The following ANKRD29 variants were observed in gnomAD, a reference collection of about 807,000 sequenced individuals.
ANKRD29 encodes the protein ankyrin repeat domain 29.
A neutral mutation model predicts 38.0 loss-of-function variants in ANKRD29; 32 were observed. The ratio of observed to expected loss-of-function variants is 0.84; its 90% CI spans 0.64 to 1.13. The LOEUF (loss-of-function observed/expected upper bound fraction) is 1.13, where lower values mean the gene tolerates loss of function less well. Among genes scored for constraint, ANKRD29 ranks in the 50% most tolerant of loss-of-function variants. The pLI, the probability that ANKRD29 is intolerant of heterozygous loss-of-function variation, is 0.00. For synonymous variants in ANKRD29, 135 were observed against 152.4 expected (o/e 0.89, Z 0.84); for missense variants, 357 against 377.9 (o/e 0.94, Z 0.46).
At chr18:23,623,576 G>C (rs1487701158) in intron 6 of ANKRD29, among the ~76,000 whole-genome samples, 3 of 151,756 alleles carry the variant, frequency 2.0e-5, no homozygotes, top group Non-Finnish European at 4.4e-5. Context: ...CTTGAGCCCA[G>C]GAGTTCAAGA....
At chr18:23,628,377 A>C (rs187646121) in intron 6 of ANKRD29, among the ~76,000 whole-genome samples, 127 of 152,272 alleles carry the variant, frequency 8.3e-4, no homozygotes, top group African/African-American at 3.0e-3. Flanking sequence ...GCTCAGACCA[A>C]CCTTAAAGTT....
chr18:23,601,429 C>T, intron 9 of ANKRD29, 120 bp from the exon 10 acceptor site: 1 of 701,764 alleles, frequency 1.4e-6, no homozygotes. Flanking sequence ...CCACACTGGA[C>T]TCACTCTTTT....
At chr18:23,652,790 T>C (rs1310491977) in intron 1 of ANKRD29, among the ~76,000 whole-genome samples, 2 of 152,198 alleles carry the variant, frequency 1.3e-5, no homozygotes, top group Non-Finnish European at 2.9e-5. Flanking sequence ...GGTTCCAACC[T>C]TATAAGTAAC....
intron 8 of ANKRD29, among the ~76,000 whole-genome samples, chr18:23,615,834 A>T (rs1206878884): frequency 6.6e-6 from 1 of 150,556 alleles, no homozygotes; most frequent in African/African-American, 2.4e-5. Context: ...ATATTCACTA[A>T]CATTTCAGTA....
chr18:23,606,585 A>ACG (rs2059577824), intron 9 of ANKRD29, among the ~76,000 whole-genome samples: 1 of 152,160 alleles, frequency 6.6e-6, no homozygotes. Context: ...TGCTGGGATT[A>ACG]CAGGCATGAG....
At chr18:23,612,543 G>A (rs2059657064) in intron 8 of ANKRD29, among the ~76,000 whole-genome samples, 1 of 152,212 alleles carries the variant, frequency 6.6e-6, no homozygotes, top group South Asian at 2.1e-4. Context: ...CAACACGTAA[G>A]GACAACACGT....
intron 1 of ANKRD29, chr18:23,649,531 G>T (rs750874798): frequency 9.5e-6 from 5 of 526,562 alleles, no homozygotes; most frequent in African/African-American, 1.9e-5. Flanking sequence ...ATCCTTCAAG[G>T]CCAAGGCTCT....
chr18:23,633,947 G>T, intron 5 of ANKRD29, 104 bp downstream of exon 5: 2 of 1,125,820 alleles, frequency 1.8e-6, no homozygotes, highest in Non-Finnish European at 2.6e-6. Flanking sequence ...AAGTCCTACT[G>T]TCCATTAAAG....
intron 7 of ANKRD29, 121 bp downstream of exon 7, chr18:23,619,410 C>T (rs2059765989): frequency 1.1e-6 from 1 of 943,402 alleles, no homozygotes. Flanking sequence ...CTTTGTTTTC[C>T]TGCTCAAGGA....
chr18:23,606,420 A>T (rs1236486955), intron 9 of ANKRD29, among the ~76,000 whole-genome samples: 1 of 152,156 alleles, frequency 6.6e-6, no homozygotes, highest in Non-Finnish European at 1.5e-5. Flanking sequence ...TCAACTGGCT[A>T]ACATCTTTTT....
At chr18:23,624,114 A>C (rs1598484316) in intron 6 of ANKRD29, among the ~76,000 whole-genome samples, 1 of 152,102 alleles carries the variant, frequency 6.6e-6, no homozygotes, top group East Asian at 1.9e-4. Flanking sequence ...TATTTTTAAT[A>C]CTTTGATATT....
intron 6 of ANKRD29, among the ~76,000 whole-genome samples, chr18:23,627,546 G>A (rs757674679): frequency 6.6e-6 from 1 of 152,096 alleles, no homozygotes; most frequent in Non-Finnish European, 1.5e-5. Flanking sequence ...CAACATCACG[G>A]CATGACTCAT....
intron 6 of ANKRD29, among the ~76,000 whole-genome samples, chr18:23,621,109 G>A (rs1299362379): frequency 1.3e-5 from 2 of 152,210 alleles, no homozygotes; most frequent in Admixed American, 6.5e-5. Context: ...AGGCAGGAGG[G>A]AGCAGGATCC....
chr18:23,625,769 G>A (rs2059854783), intron 6 of ANKRD29, among the ~76,000 whole-genome samples: 1 of 152,106 alleles, frequency 6.6e-6, no homozygotes, highest in Admixed American at 6.6e-5. Context: ...GCAAAATGGG[G>A]CCTCTGTTTC....
chr18:23,626,937 C>G (rs1033958570), intron 6 of ANKRD29, among the ~76,000 whole-genome samples: 10 of 152,352 alleles, frequency 6.6e-5, no homozygotes, highest in South Asian at 4.1e-4. Flanking sequence ...GGCAGGTATT[C>G]CTGTCCTCAT....
intron 1 of ANKRD29, among the ~76,000 whole-genome samples, chr18:23,650,407 G>C (rs1412921880): frequency 6.6e-6 from 1 of 152,192 alleles, no homozygotes; most frequent in Non-Finnish European, 1.5e-5. Context: ...GCCTCCCAAA[G>C]TGCTGGGATT....
intron 2 of ANKRD29, chr18:23,647,218 C>T (rs1205161203): frequency 1.3e-5 from 2 of 152,172 alleles, no homozygotes; most frequent in African/African-American, 4.8e-5. Flanking sequence ...CATCATGTAA[C>T]CCTTAAGTCT....
intron 1 of ANKRD29, among the ~76,000 whole-genome samples, chr18:23,661,808 T>C (rs1295119259): frequency 6.6e-6 from 1 of 152,162 alleles, no homozygotes; most frequent in African/African-American, 2.4e-5. Flanking sequence ...GATGACAACA[T>C]CTTCCAGCTC....
chr18:23,640,102 AT>A (rs1008036201), intron 3 of ANKRD29, among the ~76,000 whole-genome samples: 5 of 151,978 alleles, frequency 3.3e-5, no homozygotes, highest in African/African-American at 1.2e-4. Context: ...AAAACAATAA[AT>A]TTTTTTTTGA....
Sources: gnomAD v4.1 joint callset for allele counts (sites outside exome capture counted in the v4.1 genomes callset) on GRCh38, gnomAD v4.1.1 for gene constraint, MANE v1.5 for transcripts, NCBI Gene and HGNC (gene_info 2026-07-23, HGNC 2026-07-21) for gene names.